Variants in SOX5 observed in about 807,000 individuals in gnomAD.
SOX5 encodes the protein transcription factor SOX-5.
A neutral mutation model predicts 92.0 loss-of-function variants in SOX5; 9 were observed. That is an observed-to-expected ratio of 0.10 (90% CI 0.06 to 0.17). The LOEUF is 0.17. SOX5 is among the 10% of genes least tolerant of loss of function. The pLI, the probability that SOX5 is intolerant of heterozygous loss-of-function variation, is 1.00. For synonymous variants in SOX5, 344 were observed against 336.3 expected, an observed-to-expected ratio of 1.02 and a Z score of -0.25; for missense variants, 642 against 944.5, an observed-to-expected ratio of 0.68 and a Z score of 4.20.
At chr12:23,605,686 CATG>C (rs1209477454) in intron 8 of SOX5, among the ~76,000 whole-genome samples, 2 of 151,806 alleles carry the variant, frequency 1.3e-5, no homozygotes, top group Middle Eastern at 3.4e-3. Flanking sequence ...CAAAATTGCT[CATG>C]ATAAGCCACA....
At chr12:23,783,931 GT>G (rs2095330546) in intron 3 of SOX5, among the ~76,000 whole-genome samples, 1 of 152,118 alleles carries the variant, frequency 6.6e-6, no homozygotes, top group African/African-American at 2.4e-5. Context: ...CCTTCATGGA[GT>G]TTATCACCTG....
intron 2 of SOX5, among the ~76,000 whole-genome samples, chr12:24,290,974 T>C (rs2140506802): frequency 6.6e-6 from 1 of 152,284 alleles, no homozygotes; most frequent in East Asian, 1.9e-4. Flanking sequence ...AAAAACAGGG[T>C]TGCAGTTTGA....
chr12:24,424,778 C>A (rs2136971643), intron 1 of SOX5, among the ~76,000 whole-genome samples: 1 of 142,806 alleles, frequency 7.0e-6, no homozygotes, highest in South Asian at 2.3e-4. Flanking sequence ...ATTGTATGAT[C>A]TGGGCTCTTT....
intron 2 of SOX5, among the ~76,000 whole-genome samples, chr12:24,359,159 G>A (rs1447296632): frequency 1.3e-5 from 2 of 152,140 alleles, no homozygotes; most frequent in African/African-American, 4.8e-5. Context: ...CTTGGTAGTA[G>A]GGACAACTTT....
intron 3 of SOX5, among the ~76,000 whole-genome samples, chr12:23,839,918 G>C (rs1484173468): frequency 6.7e-6 from 1 of 149,502 alleles, no homozygotes; most frequent in Non-Finnish European, 1.5e-5. Context: ...TCAAGAACAA[G>C]GCAAGGATGT....
chr12:24,551,753 T>C (rs1320199166), intron 1 of SOX5, among the ~76,000 whole-genome samples: 4 of 152,206 alleles, frequency 2.6e-5, no homozygotes, highest in Non-Finnish European at 5.9e-5. Context: ...AGGACCATAT[T>C]AGCCTAATTA....
intron 4 of SOX5, among the ~76,000 whole-genome samples, chr12:24,045,689 A>G (rs1956932109): frequency 1.3e-5 from 2 of 152,194 alleles, no homozygotes; most frequent in African/African-American, 2.4e-5. Context: ...GGCTATTTGT[A>G]AATTTCAATG....
At chr12:23,977,419 C>G (rs1949039246) in intron 4 of SOX5, among the ~76,000 whole-genome samples, 1 of 152,140 alleles carries the variant, frequency 6.6e-6, no homozygotes, top group Admixed American at 6.5e-5. Context: ...CCTGTAACCC[C>G]AGCACTTTGG....
intron 1 of SOX5, among the ~76,000 whole-genome samples, chr12:24,555,610 C>T (rs1054293918): frequency 2.0e-5 from 3 of 151,986 alleles, no homozygotes; most frequent in East Asian, 1.9e-4. Context: ...GAGATGATCT[C>T]GTATAACCTA....
chr12:23,879,234 T>C (rs938983656), intron 2 of SOX5, among the ~76,000 whole-genome samples: 11 of 152,130 alleles, frequency 7.2e-5, no homozygotes, highest in Admixed American at 6.5e-4. Flanking sequence ...ACTGAAAGAA[T>C]TAATTCAGTG....
chr12:24,253,120 A>G (rs1940477205), intron 3 of SOX5, among the ~76,000 whole-genome samples: 1 of 152,178 alleles, frequency 6.6e-6, no homozygotes, highest in South Asian at 2.1e-4. Flanking sequence ...GAAAAGAGGG[A>G]AAAAGTGGGA....
intron 3 of SOX5, among the ~76,000 whole-genome samples, chr12:24,236,955 A>G (rs2140015146): frequency 6.6e-6 from 1 of 152,286 alleles, no homozygotes; most frequent in East Asian, 1.9e-4. Context: ...AATCCTCTAG[A>G]AGCCTAAAAC....
chr12:23,778,738 C>T (rs947426123), intron 3 of SOX5, among the ~76,000 whole-genome samples: 3 of 152,096 alleles, frequency 2.0e-5, no homozygotes, highest in East Asian at 1.9e-4. Flanking sequence ...GGCCCTTTTA[C>T]CTAGAGCTCT....
chr12:23,801,466 C>T (rs534386005), intron 3 of SOX5, among the ~76,000 whole-genome samples: 1 of 152,268 alleles, frequency 6.6e-6, no homozygotes, highest in African/African-American at 2.4e-5. Flanking sequence ...GATTATCTAT[C>T]ATGCTAAAGA....
At chr12:24,164,320 T>C (rs919744092) in intron 4 of SOX5, among the ~76,000 whole-genome samples, 1 of 152,112 alleles carries the variant, frequency 6.6e-6, no homozygotes, top group Non-Finnish European at 1.5e-5. Context: ...AATATTGTCA[T>C]GTCTAAACAT....
At chr12:24,376,182 G>T (rs563142180) in intron 1 of SOX5, among the ~76,000 whole-genome samples, 10 of 152,178 alleles carry the variant, frequency 6.6e-5, no homozygotes, top group African/African-American at 2.4e-4. Context: ...TAAAATGTGC[G>T]TCATTGCTCC....
chr12:24,329,194 T>C (rs1951029695), intron 2 of SOX5, among the ~76,000 whole-genome samples: 1 of 152,212 alleles, frequency 6.6e-6, no homozygotes, highest in African/African-American at 2.4e-5. Flanking sequence ...TTTAGCATTA[T>C]ATATTAGTCT....
At chr12:24,062,020 A>C (rs909423138) in intron 4 of SOX5, among the ~76,000 whole-genome samples, 3 of 152,202 alleles carry the variant, frequency 2.0e-5, no homozygotes, top group Admixed American at 2.0e-4. Context: ...AGATTAAAAA[A>C]ACAATATTAA....
chr12:24,342,758 A>G (rs1952728672), intron 2 of SOX5, among the ~76,000 whole-genome samples: 1 of 152,204 alleles, frequency 6.6e-6, no homozygotes, highest in Admixed American at 6.5e-5. Context: ...ATGCAACCAG[A>G]GTGATCTATC....
Sources: allele counts gnomAD v4.1 joint callset (sites outside exome capture counted in the v4.1 genomes callset), GRCh38; gene constraint gnomAD v4.1.1; transcripts MANE v1.5; gene names NCBI Gene and HGNC (gene_info 2026-07-23, HGNC 2026-07-21).